ACVR1: variants seen among roughly 807,000 people sequenced by gnomAD.
ACVR1 encodes the protein activin receptor type-1.
Under a neutral mutation model 57.1 loss-of-function variants are expected in ACVR1, and 38 were observed. The observed-to-expected ratio is 0.67, with a 90% CI of 0.51 to 0.87. The LOEUF is 0.87. Among genes scored for constraint, ACVR1 ranks in the 40% least tolerant of loss-of-function variants. The probability of loss-of-function intolerance (pLI) is 0.00; values close to 1 mark genes in which losing one functional copy is unlikely to be tolerated. For missense variants in ACVR1, 463 were observed against 638.2 expected (o/e 0.73, Z 2.96); for synonymous variants, 212 against 228.1 (o/e 0.93, Z 0.63).
At chr2:157,872,711 T>C (rs1272984017) in intron 1 of ACVR1, among the ~76,000 whole-genome samples, 8 of 152,248 alleles carry the variant, frequency 5.3e-5, no homozygotes, top group South Asian at 2.1e-4. Context: ...ATAGTCAGCA[T>C]AGTGCAGTAA....
At chr2:157,738,945 A>G (rs902734599) in intron 9 of ACVR1, among the ~76,000 whole-genome samples, 9 of 152,236 alleles carry the variant, frequency 5.9e-5, no homozygotes, top group African/African-American at 2.2e-4. Flanking sequence ...CTACCTATGG[A>G]AAGTACCTGA....
chr2:157,741,636 AAAAAAAG>A (rs1254120686), intron 9 of ACVR1, among the ~76,000 whole-genome samples: 7 of 151,934 alleles, frequency 4.6e-5, no homozygotes, highest in Admixed American at 2.0e-4. Context: ...AAAAGAAAAA[AAAAAAAG>A]AAAAAAGAAA....
At chr2:157,825,055 TTCTC>T (rs965529551) in intron 1 of ACVR1, among the ~76,000 whole-genome samples, 8 of 152,152 alleles carry the variant, frequency 5.3e-5, no homozygotes, top group Non-Finnish European at 8.8e-5. Flanking sequence ...AGCCACTCCT[TTCTC>T]TCTCTCTTCT....
At chr2:157,839,638 A>G (rs1045015435) in intron 1 of ACVR1, among the ~76,000 whole-genome samples, 3 of 152,142 alleles carry the variant, frequency 2.0e-5, no homozygotes, top group Non-Finnish European at 2.9e-5. Flanking sequence ...GTCACACCAC[A>G]CAACTACCAG....
intron 1 of ACVR1, among the ~76,000 whole-genome samples, chr2:157,831,407 T>C (rs1402463325): frequency 6.6e-6 from 1 of 152,216 alleles, no homozygotes; most frequent in East Asian, 1.9e-4. Flanking sequence ...TCATTTCATG[T>C]GTTCAAGCAA....
chr2:157,760,056 T>A (rs1210861094), intron 9 of ACVR1, among the ~76,000 whole-genome samples: 2 of 152,172 alleles, frequency 1.3e-5, no homozygotes, highest in Non-Finnish European at 2.9e-5. Context: ...ATGCCTACTT[T>A]CACCATTCTT....
At chr2:157,814,331 A>C (rs1257893168) in intron 2 of ACVR1, among the ~76,000 whole-genome samples, 2 of 152,246 alleles carry the variant, frequency 1.3e-5, no homozygotes, top group Non-Finnish European at 2.9e-5. Context: ...ACAAGCATAG[A>C]AAGATAACTA....
At chr2:157,743,510 G>C (rs1684855173) in intron 9 of ACVR1, among the ~76,000 whole-genome samples, 1 of 151,786 alleles carries the variant, frequency 6.6e-6, no homozygotes, top group African/African-American at 2.4e-5. Flanking sequence ...ACAAATAAAT[G>C]TTGATTATAT....
Position 157,756,503 on chromosome 2 carries a change from T to C in ACVR1, c.1264+4377A>G, listed in dbSNP as rs182276004. Among the ~76,000 whole-genome samples the C allele has an allele frequency of 1.4e-4, 22 of 151,996 alleles. No homozygotes were observed. The East Asian group carries it at 2.7e-3, about 19-fold the overall frequency. On this transcript the variant is annotated intron_variant, in intron 9 of 10. Transcript: ENST00000434821. ...TCAAAAAGTGGGCCAAGGACATGAATAGACAATTCTCAAAAGAAGATATAC... is the reference window on the plus strand; with the variant it reads ...TCAAAAAGTGGGCCAAGGACATGAACAGACAATTCTCAAAAGAAGATATAC...
Position 157,737,489 on chromosome 2 carries a change from T to C in ACVR1, c.*42A>G, listed in dbSNP as rs144706255. On this transcript the variant is annotated 3_prime_UTR_variant, in exon 11 of 11. Transcript: ENST00000434821. ...CCAGCATTAGGTCCCAGCTGGACAA[T>C]GACAACAACGTCAAATCTTCCTTCT... 23 of 1,611,652 alleles carry C rather than the reference T, an allele frequency of 1.4e-5. No individual in the cohort carries two copies. Among genetic ancestry groups the C allele is most frequent in the African/African-American group, 4.0e-5 (3 of 74,966 alleles).
intron 3 of ACVR1, among the ~76,000 whole-genome samples, chr2:157,796,269 T>C (rs1687116526): frequency 6.7e-6 from 1 of 149,912 alleles, no homozygotes; most frequent in Non-Finnish European, 1.5e-5. Context: ...ACAGAATCGA[T>C]AGCCGGCCAA....
At position 157,866,814 on chromosome 2, in the gene ACVR1, C is replaced by T. The variant is rs549108530; in HGVS notation, c.-183+8982G>A. On this transcript the variant is annotated intron_variant, in intron 1 of 10. Coordinates refer to ENST00000434821, the MANE Select transcript of ACVR1 (RefSeq NM_001111067.4). ...TTTGATTTATTTGCAAGATATGGCA[C>T]TTGACCCCAAAAAGTCAATAACAGA... Among the ~76,000 whole-genome samples the T allele has an allele frequency of 1.3e-3, 192 of 152,312 alleles. 1 individual carries two copies. Among genetic ancestry groups the T allele is most frequent in the African/African-American group, 4.5e-3 (185 of 41,540 alleles).
At chr2:157,802,665 ACCACCTTCTAGAAGC>A (rs1225377031) in intron 2 of ACVR1, among the ~76,000 whole-genome samples, 2 of 152,162 alleles carry the variant, frequency 1.3e-5, no homozygotes, top group East Asian at 3.9e-4. Context: ...TCTAAAGGCT[ACCACCTTCTAGAAGC>A]CTGTCTAAAC....
chr2:157,737,433 C>CA lies in ACVR1; in HGVS notation c.*97dup. On this transcript the variant is annotated 3_prime_UTR_variant, in exon 11 of 11. Coordinates refer to ENST00000434821, the MANE Select transcript of ACVR1 (RefSeq NM_001111067.4). ...CAAAGCAGCCATTTGGGGAGGGAGA[C>CA]AGATGGATTCCATTCTGACAACCAG... is the stretch of plus-strand genomic sequence containing the variant. 1 of 1,490,188 alleles carries CA rather than the reference C, an allele frequency of 6.7e-7. No individual in the cohort carries two copies. The highest frequency in any genetic ancestry group is 1.2e-5 in the South Asian group (1 of 84,848). 92.3% of individuals were successfully genotyped at this position (1,490,188 alleles called of 1,614,324 possible).
intron 1 of ACVR1, among the ~76,000 whole-genome samples, chr2:157,872,993 T>C (rs1217565708): frequency 6.6e-6 from 1 of 152,226 alleles, no homozygotes. Context: ...CGCATATTTA[T>C]GACTACCTCC....
intron 1 of ACVR1, among the ~76,000 whole-genome samples, chr2:157,854,199 TAA>T (rs398060692): frequency 0.068 from 8,035 of 118,336 alleles, 220 homozygotes; most frequent in African/African-American, 0.072. Context: ...CCTAAAGGAG[TAA>T]AAAAAAAAAA....
intron 9 of ACVR1, among the ~76,000 whole-genome samples, chr2:157,752,777 A>T (rs1191886969): frequency 6.6e-6 from 1 of 152,234 alleles, no homozygotes; most frequent in Admixed American, 6.5e-5. Flanking sequence ...GCCAGTACTA[A>T]CAAGAACTGC....
At chr2:157,807,835 T>A (rs1210006218) in intron 2 of ACVR1, among the ~76,000 whole-genome samples, 1 of 108,566 alleles carries the variant, frequency 9.2e-6, no homozygotes, top group African/African-American at 3.6e-5. Context: ...CAGGCTAATG[T>A]GATTAATCTA....
At chr2:157,755,966 C>T (rs1685410919) in intron 9 of ACVR1, among the ~76,000 whole-genome samples, 1 of 151,928 alleles carries the variant, frequency 6.6e-6, no homozygotes, top group Non-Finnish European at 1.5e-5. Flanking sequence ...TAAAAATAGG[C>T]ACACAGACCA....
Sources: gnomAD v4.1 joint callset for allele counts (sites outside exome capture counted in the v4.1 genomes callset) on GRCh38, gnomAD v4.1.1 for gene constraint, MANE v1.5 for transcripts, NCBI Gene and HGNC (gene_info 2026-07-23, HGNC 2026-07-21) for gene names.